Variants in NCBP1 observed in about 807,000 individuals in gnomAD.
The protein encoded by NCBP1 is nuclear cap-binding protein subunit 1.
Under a neutral mutation model 111.7 loss-of-function variants are expected in NCBP1, and 16 were observed. The observed-to-expected ratio is 0.14, with a 90% CI of 0.10 to 0.22. The LOEUF (loss-of-function observed/expected upper bound fraction) is 0.22, where lower values mean the gene tolerates loss of function less well. Among genes scored for constraint, NCBP1 ranks in the 10% least tolerant of loss-of-function variants. The probability of loss-of-function intolerance (pLI) is 1.00; values close to 1 mark genes in which losing one functional copy is unlikely to be tolerated. For missense variants in NCBP1, 607 were observed against 957.5 expected, an observed-to-expected ratio of 0.63 and a Z score of 4.83; for synonymous variants, 304 against 314.3, an observed-to-expected ratio of 0.97 and a Z score of 0.35.
At chr9:97,669,765 TA>T in intron 22 of NCBP1, 59 bp downstream of exon 22, 15 of 1,249,802 alleles carry the variant, frequency 1.2e-5, no homozygotes, top group Admixed American at 1.8e-5. Flanking sequence ...GATTTTTCAT[TA>T]AAAAAAATCC....
chr9:97,647,895 A>G (rs1827391196), intron 7 of NCBP1, 113 bp from the exon 8 acceptor site: 1 of 930,758 alleles, frequency 1.1e-6, no homozygotes, highest in Non-Finnish European at 1.6e-6. Context: ...TTTTTGTACC[A>G]TCTTACAAGT....
At chr9:97,668,680 C>T (rs1440994223) in intron 20 of NCBP1, among the ~76,000 whole-genome samples, 166 bp from the exon 21 acceptor site, 1 of 151,450 alleles carries the variant, frequency 6.6e-6, no homozygotes, top group African/African-American at 2.4e-5. Flanking sequence ...TGAACCACAA[C>T]AGGACTTTGA....
At chr9:97,652,268 C>T (rs1827518492) in intron 10 of NCBP1, among the ~76,000 whole-genome samples, 1 of 152,192 alleles carries the variant, frequency 6.6e-6, no homozygotes, top group South Asian at 2.1e-4. Flanking sequence ...TCCCAAGGTG[C>T]TGGGATTACA....
At chr9:97,658,028 T>A (rs1051957461) in intron 14 of NCBP1, among the ~76,000 whole-genome samples, 107 of 151,590 alleles carry the variant, frequency 7.1e-4, no homozygotes, top group African/African-American at 2.4e-3. Flanking sequence ...GCCCTATCAC[T>A]GGAATCATCT....
rs1827379484 is a variant in NCBP1 at position 97,647,580 on chromosome 9, C to T, written c.681+19C>T. On this transcript the variant is annotated intron_variant, in intron 7 of 22. Coordinates refer to ENST00000375147, the MANE Select transcript of NCBP1 (RefSeq NM_002486.5). ...AGAAGAGGTAAATGGATTTCAGTCCCTTGTGATACAAACACAGTCAGCTCT... is the reference window on the plus strand; with the variant it reads ...AGAAGAGGTAAATGGATTTCAGTCCTTTGTGATACAAACACAGTCAGCTCT... 1.9e-6 allele frequency: 3 copies of T among 1,584,046 alleles called. No individual in the cohort carries two copies. The highest frequency in any genetic ancestry group is 2.6e-6 in the Non-Finnish European group (3 of 1,153,380).
In NCBP1 at chr9:97,666,784, G is replaced by A. The variant is rs763830761; in HGVS notation, c.1923G>A (p.Leu641=). Residue 641 remains leucine (L), a synonymous_variant, in exon 20 of 23, where the codon TTG becomes TTA. Coordinates refer to ENST00000375147, the MANE Select transcript of NCBP1 (RefSeq NM_002486.5). ...TAAGATTGTTTGTTTGGGAAATTTT[G>A]CACTCTACAATTCGTAAGATGAACA... ...DFTRLFVWEI[L]HSTIRKMNKH... 1.2e-6 allele frequency: 2 copies of A among 1,602,956 alleles called. No individual in the cohort carries two copies. The highest frequency in any genetic ancestry group is 1.7e-6 in the Non-Finnish European group (2 of 1,176,032).
At position 97,641,672 on chromosome 9, in the gene NCBP1, CA is replaced by C; in HGVS notation, c.224+14del. On this transcript the variant is annotated intron_variant, in intron 3 of 22. Coordinates refer to ENST00000375147, the MANE Select transcript of NCBP1 (RefSeq NM_002486.5). Reference sequence around the variant, plus strand: ...GGCTTCTTTGTACAGTGTATGTATGCAAAAGATTTATGAATCCAGGTGATAA... The same window carrying C: ...GGCTTCTTTGTACAGTGTATGTATGCAAAGATTTATGAATCCAGGTGATAA... 6.3e-7 allele frequency: 1 copy of C among 1,588,322 alleles called. No homozygotes were observed. The highest frequency in any genetic ancestry group is 1.1e-5 in the South Asian group (1 of 88,394).
At chr9:97,644,923 A>T (rs1564019389) in intron 4 of NCBP1, among the ~76,000 whole-genome samples, 194 bp from the exon 5 acceptor site, 1 of 151,392 alleles carries the variant, frequency 6.6e-6, no homozygotes, top group African/African-American at 2.4e-5. Context: ...AATACTCTTG[A>T]TTTTTTTTTC....
chr9:97,653,605 GAA>G (rs1478516847), intron 10 of NCBP1, among the ~76,000 whole-genome samples, 191 bp from the exon 11 acceptor site: 2 of 152,168 alleles, frequency 1.3e-5, no homozygotes, highest in Non-Finnish European at 2.9e-5. Context: ...ATTATAGAGA[GAA>G]GAAATTTTCA....
At chr9:97,662,202 G>C in intron 17 of NCBP1, 58 bp downstream of exon 17, 1 of 1,231,142 alleles carries the variant, frequency 8.1e-7, no homozygotes, top group Non-Finnish European at 1.2e-6. Flanking sequence ...GTGAACACCA[G>C]TGGTATGGTA....
intron 11 of NCBP1, 81 bp downstream of exon 11, chr9:97,653,989 A>C (rs1419890195): frequency 4.8e-6 from 6 of 1,247,436 alleles, no homozygotes; most frequent in South Asian, 1.4e-5. Context: ...TGTGGGTTTA[A>C]ATTTTGTAGG....
At chr9:97,638,862 A>C (rs1311836054) in intron 1 of NCBP1, among the ~76,000 whole-genome samples, 1 of 151,142 alleles carries the variant, frequency 6.6e-6, no homozygotes, top group Non-Finnish European at 1.5e-5. Context: ...CACTGGGGGC[A>C]AAATCTACAC....
chr9:97,635,046 A>G (rs1826967973), intron 1 of NCBP1, among the ~76,000 whole-genome samples: 1 of 152,220 alleles, frequency 6.6e-6, no homozygotes. Flanking sequence ...AAAACCCATA[A>G]CAGACATTTT....
At chr9:97,635,099 G>GT (rs1286848526) in intron 1 of NCBP1, among the ~76,000 whole-genome samples, 1 of 152,178 alleles carries the variant, frequency 6.6e-6, no homozygotes, top group Non-Finnish European at 1.5e-5. Context: ...CTCTCCTTGA[G>GT]TGTTGTGGCA....
intron 1 of NCBP1, among the ~76,000 whole-genome samples, chr9:97,638,945 C>G (rs1269629829): frequency 6.6e-6 from 1 of 152,044 alleles, no homozygotes. Context: ...AATATTACAT[C>G]AATTATGCTT....
intron 8 of NCBP1, among the ~76,000 whole-genome samples, chr9:97,650,093 C>T (rs7031623): frequency 0.22 from 33,781 of 151,988 alleles, 4,580 homozygotes; most frequent in Non-Finnish European, 0.31. Flanking sequence ...ATATTATGGG[C>T]ATTTTTCAAT....
At chr9:97,653,614 T>G (rs1827559693) in intron 10 of NCBP1, among the ~76,000 whole-genome samples, 184 bp from the exon 11 acceptor site, 1 of 152,204 alleles carries the variant, frequency 6.6e-6, no homozygotes, top group South Asian at 2.1e-4. Flanking sequence ...AGAAGAAATT[T>G]TCATTACAGT....
intron 7 of NCBP1, 39 bp downstream of exon 7, chr9:97,647,600 A>G (rs1358753877): frequency 1.9e-5 from 28 of 1,495,640 alleles, no homozygotes; most frequent in Non-Finnish European, 2.6e-5. Flanking sequence ...AAACACAGTC[A>G]GCTCTTGAAT....
intron 10 of NCBP1, among the ~76,000 whole-genome samples, chr9:97,651,745 A>G (rs957868671): frequency 5.9e-5 from 9 of 152,324 alleles, no homozygotes; most frequent in African/African-American, 2.2e-4. Flanking sequence ...GACAGATAAC[A>G]TATCTTTAAT....
Sources: gnomAD v4.1 joint callset for allele counts (sites outside exome capture counted in the v4.1 genomes callset) on GRCh38, gnomAD v4.1.1 for gene constraint, MANE v1.5 for transcripts, NCBI Gene and HGNC (gene_info 2026-07-23, HGNC 2026-07-21) for gene names.